Variants in OLFM2 observed in about 807,000 individuals in gnomAD.
The protein encoded by OLFM2 is olfactomedin 2, also known as noelin-2.
In OLFM2, 20 loss-of-function variants were observed where a neutral mutation model predicts 43.9. That is an observed-to-expected ratio of 0.46 (90% CI 0.32 to 0.66). The LOEUF (loss-of-function observed/expected upper bound fraction) is 0.66, where lower values mean the gene tolerates loss of function less well. Among genes scored for constraint, OLFM2 ranks in the 30% least tolerant of loss-of-function variants. The pLI, the probability that OLFM2 is intolerant of heterozygous loss-of-function variation, is 0.04. For missense variants in OLFM2, 416 were observed against 643.6 expected, an observed-to-expected ratio of 0.65 and a Z score of 3.83; for synonymous variants, 268 against 278.6, an observed-to-expected ratio of 0.96 and a Z score of 0.38.
chr19:9,913,686 G>A (rs923958333), intron 1 of OLFM2: 3 of 1,101,528 alleles, frequency 2.7e-6, no homozygotes, highest in Non-Finnish European at 3.3e-6. Context: ...CGGGGCGCTC[G>A]GTCCCTCGAC....
chr19:9,930,690 C>CAAA (rs35821657), intron 1 of OLFM2, among the ~76,000 whole-genome samples: 16 of 143,720 alleles, frequency 1.1e-4, no homozygotes, highest in African/African-American at 3.0e-4. Flanking sequence ...ATTAAAAATA[C>CAAA]AAAAAAAAAA....
chr19:9,909,635 C>T (rs1281011083), intron 1 of OLFM2, among the ~76,000 whole-genome samples: 1 of 152,192 alleles, frequency 6.6e-6, no homozygotes, highest in African/African-American at 2.4e-5. Context: ...CCTTCCGCCT[C>T]CTGACTTTGG....
intron 2 of OLFM2, among the ~76,000 whole-genome samples, chr19:9,859,509 T>C (rs1167656095): frequency 6.6e-6 from 1 of 151,952 alleles, no homozygotes; most frequent in Non-Finnish European, 1.5e-5. Flanking sequence ...TAGAGGCTGA[T>C]CTCAAACTCC....
intron 1 of OLFM2, among the ~76,000 whole-genome samples, chr19:9,878,881 C>T (rs2046514867): frequency 6.6e-6 from 1 of 152,042 alleles, no homozygotes; most frequent in African/African-American, 2.4e-5. Flanking sequence ...GTTTGAGACT[C>T]GGTAGCCCAG....
chr19:9,871,856 ATGTT>A (rs1341049508), intron 1 of OLFM2, among the ~76,000 whole-genome samples: 1 of 152,160 alleles, frequency 6.6e-6, no homozygotes, highest in Non-Finnish European at 1.5e-5. Flanking sequence ...GGCACAAGGT[ATGTT>A]TGTTGAATGA....
chr19:9,929,842 C>T (rs1328257520), intron 1 of OLFM2, among the ~76,000 whole-genome samples: 3 of 151,922 alleles, frequency 2.0e-5, no homozygotes, highest in Non-Finnish European at 4.4e-5. Flanking sequence ...GAGTTCGAGA[C>T]CAACCTGACC....
At position 9,924,393 on chromosome 19, in the gene OLFM2, G is replaced by A. The variant is rs376483154; in HGVS notation, c.63+11911C>T. Among the ~76,000 whole-genome samples, 18 of 114,284 alleles carry A rather than the reference G, an allele frequency of 1.6e-4. 1 individual carries two copies. The South Asian group carries it at 2.3e-3, about 14-fold the overall frequency. The allele number at this position is 114,284 out of a possible 152,430, so 75.0% of individuals were successfully genotyped here. A position where few individuals can be genotyped will look rare whatever the true frequency, so the allele number is the denominator to read the frequency against. Reference sequence around the variant, plus strand: ...TGCACTCCAGCCTGGGCGACAGAGCGAGACTCTGTCTCCAAAAAAAAAAAA... The same window carrying A: ...TGCACTCCAGCCTGGGCGACAGAGCAAGACTCTGTCTCCAAAAAAAAAAAA... On this transcript the variant is annotated intron_variant, in intron 1 of 5. Transcript: ENST00000264833.
chr19:9,882,619 A>G (rs1474404184), intron 1 of OLFM2, among the ~76,000 whole-genome samples: 1 of 151,212 alleles, frequency 6.6e-6, no homozygotes, highest in Non-Finnish European at 1.5e-5. Context: ...TGGGGTAGGA[A>G]TGTGGTCAGG....
intron 1 of OLFM2, among the ~76,000 whole-genome samples, chr19:9,912,830 CAAG>C (rs138863665): frequency 1.2e-3 from 175 of 151,334 alleles, no homozygotes; most frequent in African/African-American, 4.2e-3. Context: ...CATGGCGAGG[CAAG>C]AATGGCGGAA....
At chr19:9,936,164 C>G (rs1353325518) in intron 1 of OLFM2, 140 bp downstream of exon 1, 1 of 896,936 alleles carries the variant, frequency 1.1e-6, no homozygotes, top group African/African-American at 1.8e-5. Context: ...CGGCCCCTCC[C>G]CCGCTGCGAC....
chr19:9,905,578 T>A (rs1277415463), intron 1 of OLFM2, among the ~76,000 whole-genome samples: 1 of 150,816 alleles, frequency 6.6e-6, no homozygotes. Flanking sequence ...GAGGTGGAGG[T>A]TGCGCCACTG....
chr19:9,866,974 T>C (rs1348054352), intron 1 of OLFM2, among the ~76,000 whole-genome samples: 1 of 152,156 alleles, frequency 6.6e-6, no homozygotes, highest in Non-Finnish European at 1.5e-5. Context: ...CTAAAACAGG[T>C]CCAGGATTAA....
At chr19:9,936,038 G>A (rs891792812) in intron 1 of OLFM2, among the ~76,000 whole-genome samples, 7 of 151,832 alleles carry the variant, frequency 4.6e-5, no homozygotes, top group African/African-American at 7.3e-5. Flanking sequence ...GCGGGGTGGG[G>A]GCTCGGGGCC....
At chr19:9,889,587 G>C (rs2046620043) in intron 1 of OLFM2, among the ~76,000 whole-genome samples, 1 of 152,164 alleles carries the variant, frequency 6.6e-6, no homozygotes, top group South Asian at 2.1e-4. Flanking sequence ...GTGAGTGGCT[G>C]CATCAGCCCG....
intron 1 of OLFM2, among the ~76,000 whole-genome samples, chr19:9,862,037 AAAAAAAAG>A (rs1418098805): frequency 6.6e-6 from 1 of 151,828 alleles, no homozygotes; most frequent in Non-Finnish European, 1.5e-5. Flanking sequence ...AAAAAAAAAA[AAAAAAAAG>A]AAGATATCCA....
At chr19:9,928,816 AAGAG>A (rs1224989013) in intron 1 of OLFM2, among the ~76,000 whole-genome samples, 1 of 150,412 alleles carries the variant, frequency 6.6e-6, no homozygotes, top group African/African-American at 2.4e-5. Context: ...AAAAAAAAAA[AAGAG>A]AGAAAGAGAA....
At chr19:9,929,579 G>A (rs2086471112) in intron 1 of OLFM2, among the ~76,000 whole-genome samples, 1 of 148,956 alleles carries the variant, frequency 6.7e-6, no homozygotes, top group Non-Finnish European at 1.5e-5. Flanking sequence ...CTGGGCGACA[G>A]AGTGAGACCC....
chr19:9,865,913 G>C (rs2046399180), intron 1 of OLFM2, among the ~76,000 whole-genome samples: 1 of 151,250 alleles, frequency 6.6e-6, no homozygotes, highest in Non-Finnish European at 1.5e-5. Flanking sequence ...AATTTGGATA[G>C]AAACCCCCAA....
At chr19:9,925,378 A>T (rs773190499) in intron 1 of OLFM2, among the ~76,000 whole-genome samples, 20 of 152,168 alleles carry the variant, frequency 1.3e-4, no homozygotes, top group Non-Finnish European at 2.4e-4. Context: ...CTTTGTGGGA[A>T]TGTAAAATAG....
Sources: allele counts gnomAD v4.1 joint callset (sites outside exome capture counted in the v4.1 genomes callset), GRCh38; gene constraint gnomAD v4.1.1; transcripts MANE v1.5; gene names NCBI Gene and HGNC (gene_info 2026-07-23, HGNC 2026-07-21).